AOPEP: variants seen among roughly 807,000 people sequenced by gnomAD.
The protein encoded by AOPEP is aminopeptidase O.
AOPEP carries 77 observed loss-of-function variants against 98.1 expected under a neutral mutation model. The ratio of observed to expected loss-of-function variants is 0.78; its 90% confidence interval spans 0.65 to 0.95. The LOEUF is 0.95. Ranked by LOEUF, AOPEP falls within the 40% of genes least tolerant of loss-of-function variation. The pLI is 0.00. For missense variants in AOPEP, 1,024 were observed against 1,024.7 expected (o/e 1.00, Z 0.01); for synonymous variants, 346 against 365.3 (o/e 0.95, Z 0.60).
At chr9:94,954,599 C>G (rs1369138434) in intron 7 of AOPEP, among the ~76,000 whole-genome samples, 1 of 152,174 alleles carries the variant, frequency 6.6e-6, no homozygotes, top group Non-Finnish European at 1.5e-5. Context: ...GAACTAATGT[C>G]TGTGTGCCTC....
intron 14 of AOPEP, among the ~76,000 whole-genome samples, chr9:95,076,812 A>G (rs2069124384): frequency 1.3e-5 from 2 of 152,234 alleles, no homozygotes; most frequent in African/African-American, 4.8e-5. Context: ...AAGCTGAGAA[A>G]TAGAAATTGA....
At chr9:94,734,952 A>G (rs1831385632) in intron 1 of AOPEP, among the ~76,000 whole-genome samples, 1 of 152,194 alleles carries the variant, frequency 6.6e-6, no homozygotes, top group Non-Finnish European at 1.5e-5. Context: ...TGTGGCTACA[A>G]TTCACCCTGG....
chr9:95,080,324 G>A (rs1458668152), intron 14 of AOPEP, among the ~76,000 whole-genome samples: 2 of 152,092 alleles, frequency 1.3e-5, no homozygotes, highest in East Asian at 1.9e-4. Context: ...TGAGGAGATC[G>A]AGACCAGCCT....
intron 5 of AOPEP, among the ~76,000 whole-genome samples, chr9:94,906,181 G>A (rs2051108429): frequency 1.3e-5 from 2 of 151,518 alleles, no homozygotes; most frequent in South Asian, 4.2e-4. Flanking sequence ...GTCTCTGGCT[G>A]GGCACAGTAG....
intron 14 of AOPEP, among the ~76,000 whole-genome samples, chr9:95,073,528 T>C (rs1303566796): frequency 6.6e-6 from 1 of 151,196 alleles, no homozygotes; most frequent in Non-Finnish European, 1.5e-5. Context: ...CTCCCGCCTG[T>C]AATCCCAGAA....
At chr9:95,054,603 G>C (rs1329306708) in intron 13 of AOPEP, among the ~76,000 whole-genome samples, 1 of 152,168 alleles carries the variant, frequency 6.6e-6, no homozygotes, top group Non-Finnish European at 1.5e-5. Context: ...GCGAATGATG[G>C]TATGTGTCTG....
the AOPEP span, among the ~76,000 whole-genome samples, chr9:95,118,057 T>C: frequency 5.3e-5 from 8 of 151,950 alleles, no homozygotes; most frequent in African/African-American, 1.7e-4. Context: ...CTCCTTCTGT[T>C]GCGCAGGCTG....
At chr9:95,149,778 C>T in the AOPEP span, 10 of 966,460 alleles carry the variant, frequency 1.0e-5, no homozygotes, top group African/African-American at 3.2e-5. Context: ...CACACCTGGC[C>T]GGGATACTCA....
At chr9:94,822,325 A>G (rs892933284) in intron 5 of AOPEP, among the ~76,000 whole-genome samples, 3 of 152,178 alleles carry the variant, frequency 2.0e-5, no homozygotes, top group Non-Finnish European at 4.4e-5. Flanking sequence ...TGTGAAATAG[A>G]CTTGTGCTTG....
chr9:94,965,845 C>A (rs13296168), intron 9 of AOPEP, among the ~76,000 whole-genome samples: 12 of 129,708 alleles, frequency 9.3e-5, no homozygotes, highest in African/African-American at 3.0e-4. Context: ...GTCTGCAGTT[C>A]GCTGGGTGTC....
intron 16 of AOPEP, among the ~76,000 whole-genome samples, chr9:95,084,809 G>A (rs1399329851): frequency 6.6e-6 from 1 of 151,848 alleles, no homozygotes; most frequent in Non-Finnish European, 1.5e-5. Context: ...GAGGAACAGT[G>A]GCCGGGATTG....
chr9:94,810,248 T>A (rs945537352), intron 5 of AOPEP, among the ~76,000 whole-genome samples: 1 of 151,916 alleles, frequency 6.6e-6, no homozygotes, highest in African/African-American at 2.4e-5. Flanking sequence ...TCTGGAAAAG[T>A]AAGGGGGTGA....
chr9:95,141,414 A>ATTC, the AOPEP span, among the ~76,000 whole-genome samples: 1 of 150,986 alleles, frequency 6.6e-6, no homozygotes. Flanking sequence ...GTTACTGCTA[A>ATTC]TTCTTTGCCA....
chr9:95,089,330 G>A (rs2070834109), downstream of AOPEP, among the ~76,000 whole-genome samples: 2 of 152,206 alleles, frequency 1.3e-5, no homozygotes, highest in African/African-American at 2.4e-5. Flanking sequence ...AGGCTAGAAC[G>A]CTCACTGCCT....
At chr9:94,995,803 A>T (rs1345567360) in intron 11 of AOPEP, among the ~76,000 whole-genome samples, 1 of 152,250 alleles carries the variant, frequency 6.6e-6, no homozygotes, top group African/African-American at 2.4e-5. Context: ...TAAATCCTGC[A>T]TATTAGGAGG....
chr9:94,925,049 TGG>T (rs2054101302), intron 6 of AOPEP, among the ~76,000 whole-genome samples: 2 of 152,188 alleles, frequency 1.3e-5, no homozygotes, highest in East Asian at 3.8e-4. Flanking sequence ...TGGAGTGCAG[TGG>T]CACGATCTTG....
At chr9:94,954,888 C>T (rs1479500622) in intron 7 of AOPEP, among the ~76,000 whole-genome samples, 5 of 152,156 alleles carry the variant, frequency 3.3e-5, no homozygotes, top group Non-Finnish European at 7.4e-5. Context: ...AAAGGGTATA[C>T]GTTCTTAGAT....
At chr9:94,803,381 CT>C (rs1848593024) in intron 5 of AOPEP, among the ~76,000 whole-genome samples, 1 of 152,116 alleles carries the variant, frequency 6.6e-6, no homozygotes, top group Non-Finnish European at 1.5e-5. Flanking sequence ...TAAACATTCC[CT>C]CATGAACTAA....
chr9:94,807,297 C>T (rs1849451465), intron 5 of AOPEP, among the ~76,000 whole-genome samples: 3 of 152,158 alleles, frequency 2.0e-5, no homozygotes, highest in Admixed American at 2.0e-4. Flanking sequence ...ATCATTATAC[C>T]ATGATTCTTC....
Sources: gnomAD v4.1 joint callset for allele counts (sites outside exome capture counted in the v4.1 genomes callset) on GRCh38, gnomAD v4.1.1 for gene constraint, MANE v1.5 for transcripts, NCBI Gene and HGNC (gene_info 2026-07-23, HGNC 2026-07-21) for gene names.